HHIP: variants seen among roughly 807,000 people sequenced by gnomAD.
HHIP encodes hedgehog-interacting protein.
In HHIP, 12 loss-of-function variants were observed where a neutral mutation model predicts 74.0. The observed-to-expected ratio is 0.16, with a 90% CI of 0.10 to 0.26. The LOEUF is 0.26. HHIP is among the 10% of genes least tolerant of loss of function. The pLI is 1.00. For synonymous variants in HHIP, 309 were observed against 311.6 expected (o/e 0.99, Z 0.09); for missense variants, 788 against 845.0 (o/e 0.93, Z 0.84).
chr4:144,675,219 G>A (rs1729140416), intron 4 of HHIP, among the ~76,000 whole-genome samples: 1 of 152,144 alleles, frequency 6.6e-6, no homozygotes, highest in Admixed American at 6.6e-5. Context: ...AAACACTGCA[G>A]AACATTTAAT....
At chr4:144,731,279 C>T (rs1730947038) in intron 11 of HHIP, among the ~76,000 whole-genome samples, 1 of 152,122 alleles carries the variant, frequency 6.6e-6, no homozygotes, top group South Asian at 2.1e-4. Context: ...TTTCTATTAA[C>T]CATCTTCCAT....
chr4:144,705,739 A>C, intron 4 of HHIP, among the ~76,000 whole-genome samples: 1 of 152,236 alleles, frequency 6.6e-6, no homozygotes, highest in East Asian at 1.9e-4. Flanking sequence ...AGCATTTGGC[A>C]TGCCTAATGT....
chr4:144,728,863 T>G (rs140920370), intron 11 of HHIP, among the ~76,000 whole-genome samples: 2 of 152,284 alleles, frequency 1.3e-5, no homozygotes, highest in African/African-American at 4.8e-5. Context: ...CGGCGAAATT[T>G]AGTTTGTATA....
In HHIP at chr4:144,706,528, C is replaced by A; in HGVS notation, c.832-3C>A. On this transcript the variant is annotated splice_region_variant and splice_polypyrimidine_tract_variant and intron_variant, in intron 4 of 12. Coordinates refer to ENST00000296575, the MANE Select transcript of HHIP (RefSeq NM_022475.3). The stretch of plus-strand genomic sequence containing the variant: ...ATTCTTTGTGTTTTTCATTTGACTG[C>A]AGGGAGGAGATGAAAGAGGACTGCT... The A allele has an allele frequency of 6.2e-7, 1 of 1,601,164 alleles. No individual in the cohort carries two copies.
At position 144,737,954 on chromosome 4, in the gene HHIP, A is replaced by G; in HGVS notation, c.2100A>G (p.Val700=). 6.3e-7 allele frequency: 1 copy of G among 1,595,232 alleles called. No homozygotes were observed. Among genetic ancestry groups the G allele is most frequent in the Non-Finnish European group, 8.5e-7 (1 of 1,171,252 alleles). The change falls in exon 13 of 13, where the codon GTA becomes GTG. Residue 700 remains valine, a synonymous_variant. Coordinates refer to ENST00000296575, the MANE Select transcript of HHIP (RefSeq NM_022475.3). ...TGCTGGATCTAACAAGTTACATTGT[A>G]TAGTTTCTGGGACTGTTTGAATATT... ...SYLLDLTSYI[V] is the part of the protein sequence containing the mutation.
intron 1 of HHIP, among the ~76,000 whole-genome samples, chr4:144,650,018 A>G (rs1728373965): frequency 6.6e-6 from 1 of 152,178 alleles, no homozygotes; most frequent in African/African-American, 2.4e-5. Context: ...CTTTTTGTGT[A>G]CCAAGTGATC....
At chr4:144,669,955 C>G (rs181263890) in intron 4 of HHIP, among the ~76,000 whole-genome samples, 6 of 142,032 alleles carry the variant, frequency 4.2e-5, no homozygotes, top group Non-Finnish European at 7.6e-5. Flanking sequence ...TCCTGACAAA[C>G]ATGGAAAAAC....
At chr4:144,706,170 T>G (rs1489690677) in intron 4 of HHIP, among the ~76,000 whole-genome samples, 1 of 152,214 alleles carries the variant, frequency 6.6e-6, no homozygotes, top group Non-Finnish European at 1.5e-5. Flanking sequence ...ATTATGAACC[T>G]TTTTATTTGT....
At chr4:144,714,502 T>C (rs578209991) in intron 9 of HHIP, among the ~76,000 whole-genome samples, 154 bp downstream of exon 9, 30 of 152,276 alleles carry the variant, frequency 2.0e-4, no homozygotes, top group African/African-American at 6.3e-4. Flanking sequence ...TCCATAGATA[T>C]AGTGGTTTAA....
chr4:144,724,212 C>T (rs1286283638), intron 11 of HHIP, among the ~76,000 whole-genome samples: 2 of 152,168 alleles, frequency 1.3e-5, no homozygotes, highest in Non-Finnish European at 2.9e-5. Context: ...CACACTGAAA[C>T]ATACAGGTAA....
intron 4 of HHIP, among the ~76,000 whole-genome samples, chr4:144,670,554 C>T (rs1729007007): frequency 6.7e-6 from 1 of 149,826 alleles, no homozygotes; most frequent in African/African-American, 2.5e-5. Context: ...TGTTTCTAAA[C>T]CACCCTCTTA....
At chr4:144,668,462 A>T (rs1728939700) in intron 4 of HHIP, among the ~76,000 whole-genome samples, 1 of 152,066 alleles carries the variant, frequency 6.6e-6, no homozygotes. Context: ...GTGCAAGAAT[A>T]CATAAGTGGG....
intron 11 of HHIP, 94 bp from the exon 12 acceptor site, chr4:144,734,647 A>C: frequency 9.8e-7 from 1 of 1,020,290 alleles, no homozygotes; most frequent in Admixed American, 2.6e-5. Context: ...CTAGAAAGTA[A>C]GAGGCATGCT....
intron 4 of HHIP, among the ~76,000 whole-genome samples, chr4:144,700,727 C>A (rs1315673662): frequency 6.6e-6 from 1 of 152,142 alleles, no homozygotes; most frequent in Non-Finnish European, 1.5e-5. Context: ...TCTAGCACCT[C>A]TAGAAAGAAA....
In HHIP at chr4:144,724,851, T is replaced by C. The variant is rs17019673; in HGVS notation, c.1760+5895T>C. ...ATACTTAGAATATCATCTTCTTTAG[T>C]AATTGGATAGATTGCTATGAAAACT... is the stretch of plus-strand genomic sequence containing the variant. On this transcript the variant is annotated intron_variant, in intron 11 of 12. Coordinates refer to ENST00000296575, the MANE Select transcript of HHIP (RefSeq NM_022475.3). Among the ~76,000 whole-genome samples the C allele has an allele frequency of 5.9e-3, 897 of 151,912 alleles. 9 individuals carry two copies. The highest frequency in any genetic ancestry group is 0.021 in the African/African-American group (873 of 41,476).
At chr4:144,687,841 T>C (rs1729532526) in intron 4 of HHIP, among the ~76,000 whole-genome samples, 1 of 150,900 alleles carries the variant, frequency 6.6e-6, no homozygotes, top group South Asian at 2.1e-4. Flanking sequence ...TACATTCTAT[T>C]TGCATACGGC....
At chr4:144,677,977 G>A (rs1578692860) in intron 4 of HHIP, among the ~76,000 whole-genome samples, 1 of 152,292 alleles carries the variant, frequency 6.6e-6, no homozygotes, top group East Asian at 1.9e-4. Flanking sequence ...TGGAACGCCA[G>A]AAGCAATGGG....
At position 144,739,127 on chromosome 4, in the gene HHIP, C is replaced by T. The variant is rs1222131243; in HGVS notation, c.*1170C>T. ...AAATATGACTTTAAATGTACGTGTT[C>T]CTTCAGAACTCAATGAAAATACTCT... is the stretch of plus-strand genomic sequence containing the variant. On this transcript the variant is annotated 3_prime_UTR_variant, in exon 13 of 13. Coordinates refer to ENST00000296575, the MANE Select transcript of HHIP (RefSeq NM_022475.3). The T allele has an allele frequency of 6.6e-6, 1 of 152,158 alleles. No individual in the cohort carries two copies. The highest frequency in any genetic ancestry group is 1.5e-5 in the Non-Finnish European group (1 of 68,024). 9.4% of individuals were successfully genotyped at this position (152,158 alleles called of 1,614,324 possible). A position where few individuals can be genotyped will look rare whatever the true frequency, so the allele number is the denominator to read the frequency against.
At chr4:144,684,567 C>T (rs1338542338) in intron 4 of HHIP, among the ~76,000 whole-genome samples, 1 of 151,982 alleles carries the variant, frequency 6.6e-6, no homozygotes, top group Admixed American at 6.6e-5. Context: ...GCGTGAGCCA[C>T]CGCGCCCGGC....
Sources: allele counts gnomAD v4.1 joint callset (sites outside exome capture counted in the v4.1 genomes callset), GRCh38; gene constraint gnomAD v4.1.1; transcripts MANE v1.5; gene names NCBI Gene and HGNC (gene_info 2026-07-23, HGNC 2026-07-21).